COMMD1: variants seen among roughly 807,000 people sequenced by gnomAD.
COMMD1 encodes COMM domain-containing protein 1.
COMMD1 carries 10 observed loss-of-function variants against 17.2 expected under a neutral mutation model. The ratio of observed to expected loss-of-function variants is 0.58; its 90% CI spans 0.36 to 0.99. COMMD1 has a LOEUF of 0.99. COMMD1 is among the 50% of genes least tolerant of loss of function. The pLI, the probability that COMMD1 is intolerant of heterozygous loss-of-function variation, is 0.01. For synonymous variants in COMMD1, 97 were observed against 91.6 expected, an observed-to-expected ratio of 1.06 and a Z score of -0.34; for missense variants, 270 against 231.8, an observed-to-expected ratio of 1.17 and a Z score of -1.07.
intron 1 of COMMD1, among the ~76,000 whole-genome samples, chr2:61,889,561 G>C (rs1669371057): frequency 6.6e-6 from 1 of 152,084 alleles, no homozygotes; most frequent in South Asian, 2.1e-4. Flanking sequence ...GGTGGGGTGG[G>C]CGCCGGAATA....
intron 2 of COMMD1, among the ~76,000 whole-genome samples, chr2:62,034,955 C>G (rs1670001227): frequency 6.6e-6 from 1 of 152,204 alleles, no homozygotes; most frequent in Non-Finnish European, 1.5e-5. Flanking sequence ...CAGCCAAAAA[C>G]TGTTATCCAA....
At position 62,028,284 on chromosome 2, in the gene COMMD1, AGT is replaced by A. The variant is rs375087152; in HGVS notation, c.462+27307_462+27308del. On this transcript the variant is annotated intron_variant, in intron 2 of 2. Coordinates refer to ENST00000311832, the MANE Select transcript of COMMD1 (RefSeq NM_152516.4). The stretch of plus-strand genomic sequence containing the variant: ...TCTTCTTTTTTCAATATAAAAGGAA[AGT>A]GTGTTGTTTTCTGAGAGAAGATAGA... Among the ~76,000 whole-genome samples the A allele has an allele frequency of 3.8e-3, 573 of 152,326 alleles. 3 individuals carry two copies. The highest frequency in any genetic ancestry group is 6.7e-3 in the Non-Finnish European group (454 of 68,034).
chr2:62,020,943 C>T (rs912008285), intron 2 of COMMD1, among the ~76,000 whole-genome samples: 21 of 150,008 alleles, frequency 1.4e-4, no homozygotes, highest in Non-Finnish European at 2.4e-4. Context: ...GCAGAGGTTG[C>T]GGTGAGCCGA....
At chr2:61,890,886 C>T (rs1379636836) in intron 1 of COMMD1, among the ~76,000 whole-genome samples, 1 of 151,310 alleles carries the variant, frequency 6.6e-6, no homozygotes, top group Non-Finnish European at 1.5e-5. Context: ...ATCCATAAAC[C>T]TCTGAGGCCG....
chr2:61,984,715 A>G (rs949622596), intron 1 of COMMD1, among the ~76,000 whole-genome samples: 32 of 152,104 alleles, frequency 2.1e-4, no homozygotes, highest in Non-Finnish European at 3.8e-4. Flanking sequence ...TCTTTGTTGA[A>G]TTTTGTCTAG....
intron 1 of COMMD1, among the ~76,000 whole-genome samples, chr2:61,907,348 G>A (rs1229813941): frequency 2.0e-5 from 3 of 152,128 alleles, no homozygotes; most frequent in South Asian, 2.1e-4. Context: ...TTCGTTATCC[G>A]CCTGCCTCGG....
chr2:61,905,434 G>C (rs925310503), upstream of COMMD1, among the ~76,000 whole-genome samples: 15 of 152,228 alleles, frequency 9.9e-5, no homozygotes, highest in Non-Finnish European at 1.9e-4. Flanking sequence ...GCTCTGCAGT[G>C]ATGAAGGGGA....
chr2:61,889,344 C>T (rs1669358189), intron 1 of COMMD1, among the ~76,000 whole-genome samples: 1 of 150,168 alleles, frequency 6.7e-6, no homozygotes, highest in Non-Finnish European at 1.5e-5. Context: ...CTAGCCAGGA[C>T]GACAGGTGCC....
chr2:62,000,350 GCAGT>G (rs1668893455), intron 1 of COMMD1, among the ~76,000 whole-genome samples: 2 of 147,782 alleles, frequency 1.4e-5, no homozygotes, highest in Non-Finnish European at 3.0e-5. Context: ...TTGGCTCACT[GCAGT>G]CCCTGCCTCC....
chr2:62,057,342 A>G (rs890790758), intron 2 of COMMD1, among the ~76,000 whole-genome samples: 2 of 152,184 alleles, frequency 1.3e-5, no homozygotes, highest in East Asian at 1.9e-4. Context: ...ATATGTGCAT[A>G]TATCTGTGTG....
At chr2:62,099,995 A>G (rs1287302475) in intron 2 of COMMD1, among the ~76,000 whole-genome samples, 1 of 152,164 alleles carries the variant, frequency 6.6e-6, no homozygotes, top group East Asian at 1.9e-4. Flanking sequence ...AAGTGCACAC[A>G]GACAAGCCAA....
At chr2:61,981,041 C>T (rs932143266) in intron 1 of COMMD1, among the ~76,000 whole-genome samples, 1 of 152,028 alleles carries the variant, frequency 6.6e-6, no homozygotes, top group African/African-American at 2.4e-5. Flanking sequence ...CCCTTTTATC[C>T]TGGTTATTAA....
chr2:61,998,419 C>T (rs1668831085), intron 1 of COMMD1, among the ~76,000 whole-genome samples: 2 of 151,950 alleles, frequency 1.3e-5, no homozygotes, highest in African/African-American at 2.4e-5. Flanking sequence ...GCCACTACGC[C>T]CAGCTAATTT....
chr2:61,983,104 A>G (rs7591331), intron 1 of COMMD1, among the ~76,000 whole-genome samples: 17,972 of 151,840 alleles, frequency 0.12, 2,556 homozygotes, highest in African/African-American at 0.34. Context: ...ATTGGTATTA[A>G]TTCTTCTTTA....
intron 2 of COMMD1, among the ~76,000 whole-genome samples, chr2:62,071,346 C>T (rs1671193838): frequency 6.6e-6 from 1 of 152,212 alleles, no homozygotes; most frequent in African/African-American, 2.4e-5. Flanking sequence ...ACTTTTATCA[C>T]CATCTTGGAC....
intron 1 of COMMD1, among the ~76,000 whole-genome samples, chr2:61,990,329 AT>A (rs1301627712): frequency 1.3e-5 from 2 of 152,126 alleles, no homozygotes; most frequent in African/African-American, 4.8e-5. Context: ...GTTCTTATAG[AT>A]TTTTTTCTTT....
intron 2 of COMMD1, among the ~76,000 whole-genome samples, chr2:62,048,819 C>G (rs1241490069): frequency 6.6e-6 from 1 of 151,902 alleles, no homozygotes; most frequent in South Asian, 2.1e-4. Flanking sequence ...AGCATGAGGC[C>G]TTGGGGTGAG....
At chr2:61,956,434 G>T (rs926295258) in intron 1 of COMMD1, among the ~76,000 whole-genome samples, 1 of 151,598 alleles carries the variant, frequency 6.6e-6, no homozygotes, top group African/African-American at 2.4e-5. Flanking sequence ...TTTGGAGATG[G>T]AGTCTCGCTC....
intron 2 of COMMD1, among the ~76,000 whole-genome samples, chr2:62,007,008 AT>A (rs953271228): frequency 3.3e-5 from 5 of 152,340 alleles, no homozygotes; most frequent in African/African-American, 1.2e-4. Context: ...GTGAGGAAAC[AT>A]TTAGACTTAG....
Sources: gnomAD v4.1 joint callset for allele counts (sites outside exome capture counted in the v4.1 genomes callset) on GRCh38, gnomAD v4.1.1 for gene constraint, MANE v1.5 for transcripts, NCBI Gene and HGNC (gene_info 2026-07-23, HGNC 2026-07-21) for gene names.